CGGBP1: variants seen among roughly 807,000 people sequenced by gnomAD.
The protein encoded by CGGBP1 is CGG triplet repeat binding protein 1.
Under a neutral mutation model 11.4 loss-of-function variants are expected in CGGBP1, and 4 were observed. The observed-to-expected ratio is 0.35, with a 90% CI of 0.17 to 0.80. CGGBP1 has a LOEUF of 0.80. CGGBP1 is among the 30% of genes least tolerant of loss of function. CGGBP1 has a pLI of 0.52. For missense variants in CGGBP1, 135 were observed against 202.1 expected, an observed-to-expected ratio of 0.67 and a Z score of 2.01; for synonymous variants, 76 against 74.1, an observed-to-expected ratio of 1.03 and a Z score of -0.13.
intron 2 of CGGBP1, among the ~76,000 whole-genome samples, chr3:88,123,024 AAAGT>A (rs1292849682): frequency 6.6e-6 from 1 of 151,658 alleles, no homozygotes; most frequent in African/African-American, 2.4e-5. Flanking sequence ...AAAAAAAAAA[AAAGT>A]AAAAAGAAAA....
intron 3 of CGGBP1, 72 bp from the exon 4 acceptor site, chr3:88,056,071 G>T: frequency 8.4e-7 from 1 of 1,183,910 alleles, no homozygotes; most frequent in Non-Finnish European, 1.2e-6. Context: ...ACAATAAAAG[G>T]CAGTATATAA....
intron 2 of CGGBP1, among the ~76,000 whole-genome samples, chr3:88,093,158 C>CT (rs1433883627): frequency 6.6e-6 from 1 of 152,136 alleles, no homozygotes; most frequent in Non-Finnish European, 1.5e-5. Flanking sequence ...AGTTGGGGGA[C>CT]TTTTGCAAAT....
chr3:88,055,620 C>T lies in CGGBP1; in HGVS notation c.357G>A (p.Glu119=), dbSNP rs749297890. ...CACGGACTGCTGGGTGATCAGCCTT[C>T]TCAAGTGGGATGTTGGCTTCCAGGC... ...KMCLEANIPL[E]KADHPAVRAF... Residue 119 remains glutamate, a synonymous_variant, in exon 4 of 4, where the codon GAG becomes GAA. Coordinates refer to ENST00000482016, the MANE Select transcript of CGGBP1 (RefSeq NM_001008390.2). The surrounding 1 kb of genome is among the most constrained non-coding windows in gnomAD (Gnocchi z 4.2). 6.2e-7 allele frequency: 1 copy of T among 1,614,160 alleles called. No individual in the cohort carries two copies.
intron 1 of CGGBP1, among the ~76,000 whole-genome samples, chr3:88,145,444 A>T (rs181910677): frequency 6.6e-6 from 1 of 152,140 alleles, no homozygotes; most frequent in Admixed American, 6.5e-5. Flanking sequence ...ATTTATGGTC[A>T]TATGATCTTA....
upstream of CGGBP1, chr3:88,059,638 C>A: frequency 7.5e-7 from 1 of 1,331,332 alleles, no homozygotes; most frequent in Non-Finnish European, 9.7e-7. Context: ...GAGGCTGAAG[C>A]TCCCTCCTCC....
chr3:88,130,960 G>C (rs550628361), intron 2 of CGGBP1, among the ~76,000 whole-genome samples: 197 of 152,186 alleles, frequency 1.3e-3, no homozygotes, highest in Non-Finnish European at 1.9e-3. Flanking sequence ...GGAGGTAGTG[G>C]TAAGACATAC....
chr3:88,107,853 T>G (rs922168671), intron 2 of CGGBP1, among the ~76,000 whole-genome samples: 1 of 152,154 alleles, frequency 6.6e-6, no homozygotes, highest in Non-Finnish European at 1.5e-5. Flanking sequence ...TTCAATGTCA[T>G]CATTTCTTAA....
rs1706478819 is a variant in CGGBP1, at chr3:88,053,651, A to C, written c.*1822T>G. On this transcript the variant is annotated 3_prime_UTR_variant, in exon 4 of 4. Coordinates refer to ENST00000482016, the MANE Select transcript of CGGBP1 (RefSeq NM_001008390.2). ...ATTTCAAAAAACAGAATGATTGTGT[A>C]TCTTTTCGTATTCTGAAAATAGTGC... 1 of 152,588 alleles carries C rather than the reference A, an allele frequency of 6.6e-6. No homozygotes were observed. Among genetic ancestry groups the C allele is most frequent in the African/African-American group, 2.4e-5 (1 of 41,462 alleles). The allele number at this position is 152,588 out of a possible 1,614,324, so 9.5% of individuals were successfully genotyped here.
rs141412364 is a variant in CGGBP1, at chr3:88,091,646, C to T, written c.-228-33423G>A. Among the ~76,000 whole-genome samples the T allele has an allele frequency of 8.5e-3, 1,296 of 152,270 alleles. 35 individuals are homozygous for T. Among genetic ancestry groups the T allele is most frequent in the Non-Finnish European group, 7.4e-3 (500 of 68,010 alleles). Reference sequence around the variant, plus strand: ...TGAATTGTAGCTTCCATAATCTCCACGTGTCATGGAAGGGACCCAATGGGA... The same window carrying T: ...TGAATTGTAGCTTCCATAATCTCCATGTGTCATGGAAGGGACCCAATGGGA... On this transcript the variant is annotated intron_variant, in intron 2 of 3. Transcript: ENST00000462901.
At chr3:88,072,811 A>C (rs1000021226) in intron 2 of CGGBP1, among the ~76,000 whole-genome samples, 28 of 152,218 alleles carry the variant, frequency 1.8e-4, no homozygotes, top group African/African-American at 6.8e-4. Flanking sequence ...GGTTTGAATA[A>C]ATTAATGAAT....
At chr3:88,103,640 G>T (rs892053030) in intron 2 of CGGBP1, among the ~76,000 whole-genome samples, 5 of 150,642 alleles carry the variant, frequency 3.3e-5, no homozygotes, top group Non-Finnish European at 5.9e-5. Flanking sequence ...AGTAACAAGA[G>T]AAAAAAAGAC....
At chr3:88,142,907 T>A (rs574930849) in intron 1 of CGGBP1, 8 of 152,376 alleles carry the variant, frequency 5.3e-5, no homozygotes, top group African/African-American at 1.7e-4. Context: ...TAAATATTTT[T>A]AAAAATACCC....
chr3:88,149,237 G>C (rs1049586783), intron 1 of CGGBP1, among the ~76,000 whole-genome samples: 2 of 152,172 alleles, frequency 1.3e-5, no homozygotes, highest in Admixed American at 1.3e-4. Flanking sequence ...CAAGAGGTAG[G>C]CATCTCCACT....
At chr3:88,086,465 T>G in intron 2 of CGGBP1, 1 of 1,310,650 alleles carries the variant, frequency 7.6e-7, no homozygotes, top group Non-Finnish European at 9.9e-7. Flanking sequence ...AATTTGTTTT[T>G]GATAATTTCT....
intron 2 of CGGBP1, among the ~76,000 whole-genome samples, chr3:88,104,700 G>A (rs1425590640): frequency 6.6e-6 from 1 of 152,188 alleles, no homozygotes; most frequent in Non-Finnish European, 1.5e-5. Flanking sequence ...ACAGGTGAAT[G>A]TGTTAAGCCA....
intron 2 of CGGBP1, among the ~76,000 whole-genome samples, chr3:88,091,262 A>G (rs543776305): frequency 1.3e-4 from 20 of 152,198 alleles, no homozygotes; most frequent in Non-Finnish European, 2.5e-4. Flanking sequence ...GAGAGGAGCA[A>G]TTTCCTTAAA....
At chr3:88,132,526 C>T (rs1300491831) in intron 2 of CGGBP1, among the ~76,000 whole-genome samples, 6 of 152,156 alleles carry the variant, frequency 3.9e-5, no homozygotes, top group Admixed American at 2.0e-4. Context: ...TCAGAATCCA[C>T]TGTACAACTA....
chr3:88,107,258 C>T (rs951908816), intron 2 of CGGBP1, among the ~76,000 whole-genome samples: 1 of 152,102 alleles, frequency 6.6e-6, no homozygotes. Flanking sequence ...TTATTGATGT[C>T]ATGTGTTTTT....
In CGGBP1 at chr3:88,133,342, T is replaced by C. The variant is rs565696002; in HGVS notation, c.-229+7628A>G. ...TCTCTTATTTCCAATTCCATGTTCT[T>C]GCCACTGCATCCACTAAACAATGTG... On this transcript the variant is annotated intron_variant, in intron 2 of 3. Transcript: ENST00000462901. 5.3e-4 allele frequency among the ~76,000 whole-genome samples: 80 copies of C among 152,312 alleles called. 2 individuals carry two copies. The South Asian group carries it at 0.016, about 30-fold the overall frequency.
Sources: allele counts gnomAD v4.1 joint callset (sites outside exome capture counted in the v4.1 genomes callset), GRCh38; gene constraint gnomAD v4.1.1; non-coding constraint Gnocchi (gnomAD v3.1); transcripts MANE v1.5; gene names NCBI Gene and HGNC (gene_info 2026-07-23, HGNC 2026-07-21).